Variants in SOS2 observed in about 807,000 individuals in gnomAD.
SOS2 encodes the protein SOS Ras/Rho guanine nucleotide exchange factor 2, also known as son of sevenless homolog 2.
Under a neutral mutation model 148.2 loss-of-function variants are expected in SOS2, and 65 were observed. That is an observed-to-expected ratio of 0.44 (90% CI 0.36 to 0.54). The LOEUF is 0.54. Ranked by LOEUF, SOS2 falls within the 20% of genes least tolerant of loss-of-function variation. SOS2 has a pLI of 0.00. For synonymous variants in SOS2, 539 were observed against 537.1 expected, an observed-to-expected ratio of 1.00 and a Z score of -0.05; for missense variants, 1,341 against 1,590.2, an observed-to-expected ratio of 0.84 and a Z score of 2.67.
intron 1 of SOS2, among the ~76,000 whole-genome samples, chr14:50,221,939 G>A (rs1887216705): frequency 6.6e-6 from 1 of 151,826 alleles, no homozygotes; most frequent in African/African-American, 2.4e-5. Flanking sequence ...GTTGTTGTAA[G>A]GAGTATAAAT....
At chr14:50,193,100 A>C (rs1886201922) in intron 4 of SOS2, among the ~76,000 whole-genome samples, 1 of 152,002 alleles carries the variant, frequency 6.6e-6, no homozygotes, top group South Asian at 2.1e-4. Context: ...TCAGCCTTCC[A>C]AGTAGCTGGG....
At chr14:50,226,855 C>T (rs1258072663) in intron 1 of SOS2, among the ~76,000 whole-genome samples, 1 of 152,124 alleles carries the variant, frequency 6.6e-6, no homozygotes, top group Non-Finnish European at 1.5e-5. Flanking sequence ...TTTATCTCAA[C>T]ATATAATCAA....
chr14:50,208,162 T>C (rs1886734287), intron 1 of SOS2, among the ~76,000 whole-genome samples: 1 of 151,728 alleles, frequency 6.6e-6, no homozygotes, highest in Non-Finnish European at 1.5e-5. Context: ...CCACGCATGG[T>C]AGAAGGCGCG....
At chr14:50,226,155 G>GTC (rs1262870571) in intron 1 of SOS2, among the ~76,000 whole-genome samples, 2 of 152,096 alleles carry the variant, frequency 1.3e-5, no homozygotes, top group African/African-American at 4.8e-5. Flanking sequence ...CAAGAACAGT[G>GTC]TCTGCAGCCA....
At chr14:50,142,612 A>G (rs2139566671) in intron 16 of SOS2, among the ~76,000 whole-genome samples, 1 of 152,328 alleles carries the variant, frequency 6.6e-6, no homozygotes, top group Middle Eastern at 3.4e-3. Context: ...AATATCACAA[A>G]TGTTCTTCCA....
chr14:50,184,678 A>G (rs866605642), intron 5 of SOS2, among the ~76,000 whole-genome samples: 1 of 152,100 alleles, frequency 6.6e-6, no homozygotes, highest in Middle Eastern at 3.4e-3. Context: ...AGCCTGGGAA[A>G]CATGGCAAAA....
At position 50,200,815 on chromosome 14, in the gene SOS2, G is replaced by A. The variant is rs182173805; in HGVS notation, c.345+138C>T. The A allele has an allele frequency of 2.0e-4, 129 of 649,204 alleles. 1 individual carries two copies. Among genetic ancestry groups the A allele is most frequent in the Middle Eastern group, 4.5e-4 (1 of 2,210 alleles). 40.2% of individuals were successfully genotyped at this position (649,204 alleles called of 1,614,324 possible). A position where few individuals can be genotyped will look rare whatever the true frequency, so the allele number is the denominator to read the frequency against. On this transcript the variant is annotated intron_variant, in intron 3 of 22. Coordinates refer to ENST00000216373, the MANE Select transcript of SOS2 (RefSeq NM_006939.4). ...GTATACATATTAATATATGCGATGTGTATGTACAAGCATACATATGGAAGT... is the reference window on the plus strand; with the variant it reads ...GTATACATATTAATATATGCGATGTATATGTACAAGCATACATATGGAAGT...
rs2139892673 is a variant in SOS2 at position 50,231,254 on chromosome 14, G to A, written c.30C>T (p.Phe10=). 2 of 1,503,656 alleles carry A rather than the reference G, an allele frequency of 1.3e-6. No individual in the cohort carries two copies. The highest frequency in any genetic ancestry group is 1.3e-5 in the South Asian group (1 of 77,318). The allele number at this position is 1,503,656 out of a possible 1,614,324, so 93.1% of individuals were successfully genotyped here. A position where few individuals can be genotyped will look rare whatever the true frequency, so the allele number is the denominator to read the frequency against. ...ATTTCGGACTGTTCTCCTCGCTGAA[G>A]AACTCGTAAGGCTGCGGCGCCTGCT... is the stretch of plus-strand genomic sequence containing the variant. MQQAPQPYE[F]FSEENSPKWR... The change falls in exon 1 of 23, where the codon TTC becomes TTT. Residue 10 remains phenylalanine (F), a synonymous_variant. Coordinates refer to ENST00000216373, the MANE Select transcript of SOS2 (RefSeq NM_006939.4).
At chr14:50,194,580 C>T (rs1260848527) in intron 4 of SOS2, among the ~76,000 whole-genome samples, 3 of 148,790 alleles carry the variant, frequency 2.0e-5, no homozygotes, top group African/African-American at 4.9e-5. Flanking sequence ...GTTTGAGACC[C>T]ACCTGTCCAA....
rs748998336 is a variant in SOS2, at chr14:50,231,317, GCC to G, written c.-36_-35del. On this transcript the variant is annotated 5_prime_UTR_variant, in exon 1 of 23. Coordinates refer to ENST00000216373, the MANE Select transcript of SOS2 (RefSeq NM_006939.4). ...CGACAGCGCCTCCGCATCGGGGGCA[GCC>G]CGCGGGCCGGGCCGGTGGCCTGACA... 6.3e-6 allele frequency: 8 copies of G among 1,261,932 alleles called. No homozygotes were observed. In the African/African-American group the frequency reaches 1.2e-4, roughly 19 times the overall value. 78.2% of individuals were successfully genotyped at this position (1,261,932 alleles called of 1,614,324 possible). A position where few individuals can be genotyped will look rare whatever the true frequency, so the allele number is the denominator to read the frequency against.
chr14:50,217,505 C>T (rs1887069761), intron 1 of SOS2, among the ~76,000 whole-genome samples: 1 of 151,980 alleles, frequency 6.6e-6, no homozygotes, highest in Non-Finnish European at 1.5e-5. Flanking sequence ...TCGAGACCAG[C>T]CTGGGCAACA....
At chr14:50,132,840 A>G (rs1883927017) in intron 19 of SOS2, among the ~76,000 whole-genome samples, 1 of 152,150 alleles carries the variant, frequency 6.6e-6, no homozygotes, top group Non-Finnish European at 1.5e-5. Context: ...AGCTTCACCA[A>G]GGAGACCTTC....
chr14:50,120,246 A>G (rs372446318), intron 22 of SOS2, 29 bp downstream of exon 22: 3 of 980,122 alleles, frequency 3.1e-6, no homozygotes, highest in Non-Finnish European at 4.9e-6. Flanking sequence ...ACAACTTTGA[A>G]TAAGTTGGAG....
chr14:50,150,825 C>T (rs1048600815), intron 13 of SOS2, among the ~76,000 whole-genome samples: 3 of 152,040 alleles, frequency 2.0e-5, no homozygotes, highest in East Asian at 3.9e-4. Flanking sequence ...CGGGTTCAAG[C>T]GATTCTCCTG....
chr14:50,163,128 A>T (rs1885065403), intron 8 of SOS2, among the ~76,000 whole-genome samples: 2 of 150,892 alleles, frequency 1.3e-5, no homozygotes, highest in South Asian at 4.2e-4. Flanking sequence ...GGCTGCCCTC[A>T]AACTGTTTTA....
intron 8 of SOS2, among the ~76,000 whole-genome samples, chr14:50,161,954 T>A (rs780926809): frequency 6.6e-6 from 1 of 151,880 alleles, no homozygotes; most frequent in Non-Finnish European, 1.5e-5. Context: ...TCTCGCTATG[T>A]CTCCCAGGCT....
chr14:50,200,647 A>T (rs1319928124), intron 3 of SOS2, among the ~76,000 whole-genome samples: 1 of 151,776 alleles, frequency 6.6e-6, no homozygotes, highest in Non-Finnish European at 1.5e-5. Context: ...GGAGTTTGAG[A>T]CCAGCCTGGG....
chr14:50,169,991 ACAT>A (rs1331525204), intron 8 of SOS2, among the ~76,000 whole-genome samples: 24 of 152,130 alleles, frequency 1.6e-4, no homozygotes, highest in African/African-American at 5.3e-4. Context: ...ACTGACGTAA[ACAT>A]GGCTCACTGC....
chr14:50,161,607 T>C lies in SOS2; in HGVS notation c.1071A>G (p.Gln357=), dbSNP rs111961549. 1,361 of 1,609,548 alleles carry C rather than the reference T, an allele frequency of 8.5e-4. 2 individuals carry two copies. The highest frequency in any genetic ancestry group is 1.1e-3 in the Non-Finnish European group (1,238 of 1,178,546). Residue 357 remains glutamine, a splice_region_variant and synonymous_variant, in exon 9 of 23, where the codon CAA becomes CAG. Coordinates refer to ENST00000216373, the MANE Select transcript of SOS2 (RefSeq NM_006939.4). ...HCWHYFELLK[Q]LKACSEEQED... is the part of the protein sequence containing the mutation. ...CTTGTTCTTCACTACATGCTTTCAA[T>C]TGCTAAGAAAAAACAGAAAGAAAAA...
Sources: gnomAD v4.1 joint callset for allele counts (sites outside exome capture counted in the v4.1 genomes callset) on GRCh38, gnomAD v4.1.1 for gene constraint, MANE v1.5 for transcripts, NCBI Gene and HGNC (gene_info 2026-07-23, HGNC 2026-07-21) for gene names.